Variants in SIRPB1 observed in about 807,000 individuals in gnomAD.
The protein encoded by SIRPB1 is signal regulatory protein beta 1.
A neutral mutation model predicts 34.1 loss-of-function variants in SIRPB1; 28 were observed. The ratio of observed to expected loss-of-function variants is 0.82; its 90% CI spans 0.61 to 1.12. The LOEUF (loss-of-function observed/expected upper bound fraction) is 1.12. Among genes scored for constraint, SIRPB1 ranks in the 50% most tolerant of loss-of-function variants. SIRPB1 has a pLI of 0.00. For missense variants in SIRPB1, 499 were observed against 507.0 expected (o/e 0.98, Z 0.15); for synonymous variants, 211 against 203.8 (o/e 1.04, Z -0.30).
At chr20:1,567,564 C>T (rs1330392304) in intron 4 of SIRPB1, among the ~76,000 whole-genome samples, 1 of 152,162 alleles carries the variant, frequency 6.6e-6, no homozygotes, top group Non-Finnish European at 1.5e-5. Context: ...AAAGAAGACT[C>T]TAAAATATAA....
chr20:1,566,512 G>A (rs867806326), intron 4 of SIRPB1, among the ~76,000 whole-genome samples: 21 of 152,340 alleles, frequency 1.4e-4, no homozygotes, highest in Middle Eastern at 6.8e-3. Context: ...TGGAGAGAGT[G>A]TGTGCTCAGG....
chr20:1,576,734 C>T, intron 2 of SIRPB1, among the ~76,000 whole-genome samples: 1 of 148,384 alleles, frequency 6.7e-6, no homozygotes, highest in East Asian at 1.9e-4. Flanking sequence ...TGGAGAAACC[C>T]TGTCTCTACA....
At position 1,613,022 on chromosome 20, in the gene SIRPB1, TA is replaced by T. The variant is rs1319964637; in HGVS notation, c.76+6846del. 6.9e-5 allele frequency among the ~76,000 whole-genome samples: 5 copies of T among 72,712 alleles called. 2 individuals carry two copies. Among genetic ancestry groups the T allele is most frequent in the African/African-American group, 1.7e-4 (2 of 11,450 alleles). The allele number at this position is 72,712 out of a possible 152,430, so 47.7% of individuals were successfully genotyped here. On this transcript the variant is annotated intron_variant, in intron 1 of 5. Transcript: ENST00000381605. ...TTGTATTGAATTCTGTATTTTTGCT[TA>T]AAAAGCACATTTTAGGTGCTGTTGA...
At position 1,578,795 on chromosome 20, in the gene SIRPB1, G is replaced by GA. The variant is rs1298177861; in HGVS notation, c.77-102dup. On this transcript the variant is annotated intron_variant, in intron 1 of 5. Transcript: ENST00000381605. ...CTTTCATTGACTGGGTGCACACCAG[G>GA]AAAAGGCCTTGAGCTCAGCCCACTA... 2.0e-5 allele frequency: 21 copies of GA among 1,033,274 alleles called. No homozygotes were observed. The East Asian group carries it at 4.7e-4, about 23-fold the overall frequency. The allele number at this position is 1,033,274 out of a possible 1,614,324, so 64.0% of individuals were successfully genotyped here.
chr20:1,618,582 T>C (rs1429012566), intron 1 of SIRPB1, among the ~76,000 whole-genome samples: 1 of 152,096 alleles, frequency 6.6e-6, no homozygotes, highest in African/African-American at 2.4e-5. Context: ...TTGGGTACAG[T>C]GTATGTGTGA....
At chr20:1,613,407 T>C (rs4390826) in intron 1 of SIRPB1, among the ~76,000 whole-genome samples, 17,000 of 80,902 alleles carry the variant, frequency 0.21, 4,699 homozygotes, top group Middle Eastern at 0.33. Flanking sequence ...TTGTGATGTA[T>C]TAGCTCCACC....
In SIRPB1 at chr20:1,589,501, A is replaced by G. The variant is rs2091435903; in HGVS notation, c.77-10807T>C. Among the ~76,000 whole-genome samples, 2 of 48,932 alleles carry G rather than the reference A, an allele frequency of 4.1e-5. 1 individual carries two copies. The highest frequency in any genetic ancestry group is 7.9e-5 in the Non-Finnish European group (2 of 25,430). The allele number at this position is 48,932 out of a possible 152,430, so 32.1% of individuals were successfully genotyped here. ...GGAAGTATATATGCCCTGACCAACA[A>G]GGTGTGCTAAGGAGTTGGGGAAATC... On this transcript the variant is annotated intron_variant, in intron 1 of 5. Coordinates refer to ENST00000381605, the MANE Select transcript of SIRPB1 (RefSeq NM_006065.5).
intron 1 of SIRPB1, among the ~76,000 whole-genome samples, chr20:1,579,939 A>C (rs1426069187): frequency 6.7e-6 from 1 of 148,380 alleles, no homozygotes; most frequent in Non-Finnish European, 1.5e-5. Flanking sequence ...TGAGGATTTT[A>C]GTTAATAATG....
At chr20:1,617,806 G>C (rs1027648357) in intron 1 of SIRPB1, among the ~76,000 whole-genome samples, 6 of 152,198 alleles carry the variant, frequency 3.9e-5, no homozygotes, top group Non-Finnish European at 7.4e-5. Flanking sequence ...ATACAGTTCT[G>C]TCAAATAAAA....
At position 1,605,075 on chromosome 20, in the gene SIRPB1, C is replaced by T; in HGVS notation, c.76+14794G>A. On this transcript the variant is annotated intron_variant, in intron 1 of 5. Coordinates refer to ENST00000381605, the MANE Select transcript of SIRPB1 (RefSeq NM_006065.5). ...GAGGGTTTGGCTACAAAAGGACCAT[C>T]GATAATCAGGAGACATGACTCAGAT... is the stretch of plus-strand genomic sequence containing the variant. 5.1e-6 allele frequency: 3 copies of T among 587,910 alleles called. 1 individual carries two copies. Among genetic ancestry groups the T allele is most frequent in the Non-Finnish European group, 6.9e-6 (3 of 437,882 alleles). The allele number at this position is 587,910 out of a possible 1,614,324, so 36.4% of individuals were successfully genotyped here.
At chr20:1,573,454 C>A (rs2091270718) in intron 2 of SIRPB1, among the ~76,000 whole-genome samples, 1 of 94,144 alleles carries the variant, frequency 1.1e-5, no homozygotes. Context: ...TACCTTGAAC[C>A]TTCTGCCGTC....
Position 1,571,121 on chromosome 20 carries a change from C to T in SIRPB1, c.768G>A (p.Glu256=). ...SEAIRVPPTL[E]VTQQPMRAEN... The stretch of plus-strand genomic sequence containing the variant: ...CTGCCCTCATGGGCTGTTGAGTAAC[C>T]TCCAAGGTGGGTGGAACTGAAACAG... The change falls in exon 4 of 6, where the codon GAG becomes GAA. Residue 256 remains glutamate (E), a synonymous_variant. Coordinates refer to ENST00000381605, the MANE Select transcript of SIRPB1 (RefSeq NM_006065.5). The T allele has an allele frequency of 6.2e-7, 1 of 1,613,740 alleles. No homozygotes were observed. The highest frequency in any genetic ancestry group is 8.5e-7 in the Non-Finnish European group (1 of 1,179,728).
Position 1,570,958 on chromosome 20 carries a change from A to C in SIRPB1, c.931T>G (p.Trp311Gly). 4 of 1,613,582 alleles carry C rather than the reference A, an allele frequency of 2.5e-6. No individual in the cohort carries two copies. Among genetic ancestry groups the C allele is most frequent in the Non-Finnish European group, 3.4e-6 (4 of 1,179,898 alleles). ...LIENKDGTYN[W>G]MSWLLVNTCA... The stretch of plus-strand genomic sequence containing the variant: ...GTGTTCACCAGGAGCCAGCTCATCC[A>C]GTTGTAGGTGCCATCCTTGTTCTCT... Residue 311 changes from tryptophan (W) to glycine (G), a missense_variant, in exon 4 of 6, where the codon TGG (tryptophan) becomes GGG (glycine). By Grantham distance (184) the Trp-to-Gly change is radical. Coordinates refer to ENST00000381605, the MANE Select transcript of SIRPB1 (RefSeq NM_006065.5).
chr20:1,612,611 G>A (rs11699836), intron 1 of SIRPB1, among the ~76,000 whole-genome samples: 25,013 of 71,466 alleles, frequency 0.35, 10,875 homozygotes, highest in Middle Eastern at 0.59. Context: ...AATGACCGTT[G>A]CATGCAGAAC....
rs367950067 is a variant in SIRPB1 at position 1,568,525 on chromosome 20, C to T, written c.1085-2258G>A. On this transcript the variant is annotated intron_variant, in intron 4 of 5. Transcript: ENST00000381605. Reference sequence around the variant, plus strand: ...CCAGATGGTACAGACTCATCTCATCCTGTGCCTCCTTGAGAAGTACAACTA... The same window carrying T: ...CCAGATGGTACAGACTCATCTCATCTTGTGCCTCCTTGAGAAGTACAACTA... 4.4e-4 allele frequency among the ~76,000 whole-genome samples: 67 copies of T among 152,304 alleles called. 2 individuals are homozygous for T. Among genetic ancestry groups the T allele is most frequent in the African/African-American group, 1.6e-3 (66 of 41,554 alleles).
chr20:1,579,433 G>C (rs1346073378), intron 1 of SIRPB1, among the ~76,000 whole-genome samples: 2 of 148,096 alleles, frequency 1.4e-5, no homozygotes, highest in African/African-American at 4.9e-5. Context: ...TGAGTTATGA[G>C]CAGAATGATG....
At position 1,580,128 on chromosome 20, in the gene SIRPB1, T is replaced by C. The variant is rs1568693214; in HGVS notation, c.77-1434A>G. ...AAAGCACCATGTTTTACACCTTCCA[T>C]GTCTACATTTTTTAAGGCGCTTTCA... On this transcript the variant is annotated intron_variant, in intron 1 of 5. Transcript: ENST00000381605. Among the ~76,000 whole-genome samples, 2 of 148,346 alleles carry C rather than the reference T, an allele frequency of 1.3e-5. 1 individual carries two copies. Among genetic ancestry groups the C allele is most frequent in the African/African-American group, 4.9e-5 (2 of 40,814 alleles).
chr20:1,569,008 T>C (rs3848789), intron 4 of SIRPB1, among the ~76,000 whole-genome samples: 6,555 of 152,292 alleles, frequency 0.043, 206 homozygotes, highest in African/African-American at 0.083. Flanking sequence ...TGGGATACCA[T>C]TGCAGACCCT....
At chr20:1,566,307 C>A in intron 4 of SIRPB1, 40 bp from the exon 5 acceptor site, 1 of 1,335,210 alleles carries the variant, frequency 7.5e-7, no homozygotes, top group South Asian at 1.2e-5. Context: ...AGAGGGGCCA[C>A]CTGGGAGCTC....
Sources: gnomAD v4.1 joint callset for allele counts (sites outside exome capture counted in the v4.1 genomes callset) on GRCh38, gnomAD v4.1.1 for gene constraint, MANE v1.5 for transcripts, NCBI Gene and HGNC (gene_info 2026-07-23, HGNC 2026-07-21) for gene names.